BIN3: variants seen among roughly 807,000 people sequenced by gnomAD.
The protein encoded by BIN3 is bridging integrator 3.
Under a neutral mutation model 38.2 loss-of-function variants are expected in BIN3, and 41 were observed. That is an observed-to-expected ratio of 1.07 (90% CI 0.84 to 1.39). BIN3 has a LOEUF of 1.39. Ranked by LOEUF, BIN3 falls within the 40% of genes most tolerant of loss-of-function variation. The pLI is 0.00. For synonymous variants in BIN3, 145 were observed against 122.6 expected (o/e 1.18, Z -1.21); for missense variants, 361 against 324.3 (o/e 1.11, Z -0.87).
intron 2 of BIN3, among the ~76,000 whole-genome samples, chr8:22,637,367 C>G (rs559344400): frequency 7.9e-5 from 12 of 152,304 alleles, no homozygotes; most frequent in African/African-American, 2.6e-4. Flanking sequence ...TCTGTCTCTG[C>G]CTTTTCCTAG....
At chr8:22,637,575 G>A (rs1802412729) in intron 2 of BIN3, among the ~76,000 whole-genome samples, 1 of 152,236 alleles carries the variant, frequency 6.6e-6, no homozygotes, top group African/African-American at 2.4e-5. Context: ...TCTCTTGAGA[G>A]CCAGCAACAC....
intron 1 of BIN3, among the ~76,000 whole-genome samples, chr8:22,645,576 GCGAGGA>G (rs1376924341): frequency 0.015 from 2,051 of 138,630 alleles, 49 homozygotes; most frequent in African/African-American, 0.065. Context: ...GAGAGGAAAG[GCGAGGA>G]TGGCAGGAAA....
intron 6 of BIN3, among the ~76,000 whole-genome samples, chr8:22,628,819 T>C (rs1802088420): frequency 6.6e-6 from 1 of 152,126 alleles, no homozygotes; most frequent in South Asian, 2.1e-4. Context: ...CAACCAGCCC[T>C]GAACAGTCTG....
rs574775092 is a variant in BIN3 at position 22,647,878 on chromosome 8, GCAC to G, written c.9-3078_9-3076del. ...GTGGTGGCTCACACCTGTAATCCCA[GCAC>G]TTTGGGAGGCCGAGGCGGGTGAATC... On this transcript the variant is annotated intron_variant, in intron 1 of 8. Transcript: ENST00000276416. Among the ~76,000 whole-genome samples, 13 of 152,222 alleles carry G rather than the reference GCAC, an allele frequency of 8.5e-5. No homozygotes were observed. The South Asian group carries it at 2.7e-3, about 32-fold the overall frequency.
chr8:22,644,887 TC>T, intron 1 of BIN3, 84 bp from the exon 2 acceptor site: 2 of 1,273,042 alleles, frequency 1.6e-6, no homozygotes, highest in African/African-American at 1.5e-5. Context: ...CAGGCCACTT[TC>T]CCCCAGGAGG....
At chr8:22,635,822 C>G (rs1157108650) in intron 4 of BIN3, among the ~76,000 whole-genome samples, 1 of 152,164 alleles carries the variant, frequency 6.6e-6, no homozygotes, top group East Asian at 1.9e-4. Flanking sequence ...AAGGAATGGT[C>G]TCCATCTCTC....
chr8:22,628,119 G>A (rs1369606955), intron 6 of BIN3, among the ~76,000 whole-genome samples: 1 of 152,246 alleles, frequency 6.6e-6, no homozygotes, highest in Non-Finnish European at 1.5e-5. Flanking sequence ...AGCCAGCACT[G>A]GTGGGGAATG....
chr8:22,658,035 A>G (rs1332943197), intron 1 of BIN3, among the ~76,000 whole-genome samples: 2 of 152,248 alleles, frequency 1.3e-5, no homozygotes, highest in East Asian at 3.8e-4. Context: ...GCGTGGGCAG[A>G]GAGCCAGAGT....
intron 1 of BIN3, among the ~76,000 whole-genome samples, chr8:22,668,300 A>G (rs1040211329): frequency 3.3e-5 from 5 of 152,174 alleles, no homozygotes; most frequent in Non-Finnish European, 7.3e-5. Context: ...AAATAAATAC[A>G]CCATTATGAA....
chr8:22,631,533 C>T (rs1016343195), intron 4 of BIN3, among the ~76,000 whole-genome samples: 5 of 152,176 alleles, frequency 3.3e-5, no homozygotes, highest in Admixed American at 1.3e-4. Flanking sequence ...GCAGATTAGG[C>T]GCAAAAGGGT....
At chr8:22,622,247 C>T (rs1239219355) in intron 8 of BIN3, among the ~76,000 whole-genome samples, 3 of 152,242 alleles carry the variant, frequency 2.0e-5, no homozygotes, top group Non-Finnish European at 4.4e-5. Flanking sequence ...ATAGGGGCCA[C>T]TTCTGCCTCA....
At chr8:22,637,868 T>A (rs1802423339) in intron 2 of BIN3, among the ~76,000 whole-genome samples, 1 of 152,188 alleles carries the variant, frequency 6.6e-6, no homozygotes, top group South Asian at 2.1e-4. Flanking sequence ...CACAGAGCCC[T>A]CACTGTGTGC....
chr8:22,632,173 T>C (rs1444158394), intron 4 of BIN3, among the ~76,000 whole-genome samples: 1 of 152,164 alleles, frequency 6.6e-6, no homozygotes, highest in African/African-American at 2.4e-5. Flanking sequence ...ACATTAACTG[T>C]GGAAAAAGTG....
intron 1 of BIN3, among the ~76,000 whole-genome samples, chr8:22,647,957 T>G (rs956250960): frequency 9.5e-5 from 14 of 147,610 alleles, no homozygotes; most frequent in Non-Finnish European, 1.6e-4. Flanking sequence ...AAACGCCGTC[T>G]CTACTATAAA....
chr8:22,639,746 T>C (rs1367350209), intron 2 of BIN3, among the ~76,000 whole-genome samples: 2 of 152,202 alleles, frequency 1.3e-5, no homozygotes, highest in Non-Finnish European at 2.9e-5. Flanking sequence ...ACCTGGGCTA[T>C]AAGCTGCCCC....
chr8:22,636,528 G>T lies in BIN3; in HGVS notation c.157C>A (p.Leu53Met). 6.4e-7 allele frequency: 1 copy of T among 1,552,426 alleles called. No individual in the cohort carries two copies. The highest frequency in any genetic ancestry group is 8.7e-7 in the Non-Finnish European group (1 of 1,147,478). The change falls in exon 4 of 9, where the codon CTG (leucine) becomes ATG (methionine). Residue 53 changes from leucine to methionine, a missense_variant. Coordinates refer to ENST00000276416, the MANE Select transcript of BIN3 (RefSeq NM_018688.6). ...GTGCGGGTGGAAAGTCACCTACCCA[G>T]GTCTGCGTCGGTGCTCTTCTTCATG... The part of the protein sequence containing the change: ...KDMKKSTDAD[L>M]AMSKSAVKIS...
At chr8:22,625,679 C>T in intron 6 of BIN3, 1 of 376,626 alleles carries the variant, frequency 2.7e-6, no homozygotes, top group South Asian at 4.1e-5. Flanking sequence ...CCTCCACCTC[C>T]TGGGTTCCAG....
intron 4 of BIN3, among the ~76,000 whole-genome samples, chr8:22,632,898 G>C (rs1048041452): frequency 2.0e-5 from 3 of 152,020 alleles, no homozygotes; most frequent in African/African-American, 7.2e-5. Flanking sequence ...TAGTAGAGAC[G>C]GGGTTTCACC....
chr8:22,662,075 G>A (rs1001565834), intron 1 of BIN3, among the ~76,000 whole-genome samples: 4 of 152,218 alleles, frequency 2.6e-5, no homozygotes, highest in African/African-American at 2.4e-5. Flanking sequence ...GATTACAGGC[G>A]TGAGCCAACA....
Sources: gnomAD v4.1 joint callset for allele counts (sites outside exome capture counted in the v4.1 genomes callset) on GRCh38, gnomAD v4.1.1 for gene constraint, MANE v1.5 for transcripts, NCBI Gene and HGNC (gene_info 2026-07-23, HGNC 2026-07-21) for gene names.